Variants in NFAT5 observed in about 807,000 individuals in gnomAD.
The protein encoded by NFAT5 is nuclear factor of activated T-cells 5.
A neutral mutation model predicts 166.5 loss-of-function variants in NFAT5; 31 were observed. That is an observed-to-expected ratio of 0.19 (90% CI 0.14 to 0.25). The LOEUF (loss-of-function observed/expected upper bound fraction) is 0.25. Among genes scored for constraint, NFAT5 ranks in the 10% least tolerant of loss-of-function variants. NFAT5 has a pLI of 1.00. For missense variants in NFAT5, 1,449 were observed against 1,821.8 expected (o/e 0.80, Z 3.72); for synonymous variants, 612 against 639.7 (o/e 0.96, Z 0.65).
At chr16:69,619,080 G>A (rs1012453294) in intron 2 of NFAT5, among the ~76,000 whole-genome samples, 6 of 152,100 alleles carry the variant, frequency 3.9e-5, no homozygotes, top group African/African-American at 1.2e-4. Context: ...TTTACTATTT[G>A]AAAGTAAATA....
chr16:69,608,572 C>T (rs542144545), intron 2 of NFAT5, among the ~76,000 whole-genome samples: 7 of 151,012 alleles, frequency 4.6e-5, no homozygotes, highest in East Asian at 4.0e-4. Context: ...CTGGCTAACA[C>T]GGTGAAATCC....
At chr16:69,632,492 C>T (rs1304499112) in intron 3 of NFAT5, 1 of 152,156 alleles carries the variant, frequency 6.6e-6, no homozygotes, top group Non-Finnish European at 1.5e-5. Context: ...CATACCTCTT[C>T]TCTACAAGTG....
chr16:69,571,712 G>T (rs1257341343), intron 2 of NFAT5, among the ~76,000 whole-genome samples: 3 of 150,926 alleles, frequency 2.0e-5, no homozygotes, highest in African/African-American at 7.3e-5. Flanking sequence ...TTTTTTTGGG[G>T]GGAAACAAGG....
chr16:69,628,775 T>C (rs2151584619), intron 3 of NFAT5, among the ~76,000 whole-genome samples: 1 of 152,248 alleles, frequency 6.6e-6, no homozygotes. Flanking sequence ...TTTTAAAAAA[T>C]CTTTAGCATT....
chr16:69,624,808 G>A (rs1597422325), intron 2 of NFAT5, among the ~76,000 whole-genome samples: 2 of 151,496 alleles, frequency 1.3e-5, no homozygotes, highest in Middle Eastern at 6.8e-3. Flanking sequence ...TTGGAATTTT[G>A]GATTTCTTGG....
intron 7 of NFAT5, 150 bp downstream of exon 7, chr16:69,660,049 T>C (rs771414763): frequency 7.7e-6 from 5 of 646,596 alleles, no homozygotes; most frequent in African/African-American, 1.8e-5. Context: ...AGTCAGATTT[T>C]CTAGACCAAA....
At chr16:69,665,003 G>A (rs997844568) in intron 7 of NFAT5, among the ~76,000 whole-genome samples, 3 of 151,992 alleles carry the variant, frequency 2.0e-5, no homozygotes, top group African/African-American at 7.3e-5. Context: ...CTCCAGCCTG[G>A]GCAACAAGAA....
At chr16:69,675,356 C>A (rs2036790800) in intron 9 of NFAT5, among the ~76,000 whole-genome samples, 1 of 152,182 alleles carries the variant, frequency 6.6e-6, no homozygotes, top group Non-Finnish European at 1.5e-5. Context: ...ATCTCCTTAA[C>A]TCTAGATAGA....
intron 7 of NFAT5, 78 bp from the exon 8 acceptor site, chr16:69,669,899 C>A: frequency 1.6e-6 from 2 of 1,275,112 alleles, no homozygotes; most frequent in East Asian, 2.5e-5. Flanking sequence ...CTCATAGAAC[C>A]GGATGATTGC....
At chr16:69,630,125 C>T (rs1371563329) in intron 3 of NFAT5, among the ~76,000 whole-genome samples, 3 of 151,890 alleles carry the variant, frequency 2.0e-5, no homozygotes, top group East Asian at 1.9e-4. Flanking sequence ...TTAGTAGAGA[C>T]GGGGTTTCAT....
At chr16:69,604,749 A>G (rs933669661) in intron 2 of NFAT5, among the ~76,000 whole-genome samples, 1 of 152,138 alleles carries the variant, frequency 6.6e-6, no homozygotes, top group Non-Finnish European at 1.5e-5. Flanking sequence ...CATGAGCCCA[A>G]CTTATGGCAT....
chr16:69,624,833 C>G (rs2034374614), intron 2 of NFAT5, among the ~76,000 whole-genome samples: 1 of 151,948 alleles, frequency 6.6e-6, no homozygotes, highest in Non-Finnish European at 1.5e-5. Context: ...CTAGGCAAGT[C>G]CCTTAAATTT....
At chr16:69,570,927 G>A (rs998718425) in intron 2 of NFAT5, among the ~76,000 whole-genome samples, 1 of 151,990 alleles carries the variant, frequency 6.6e-6, no homozygotes, top group African/African-American at 2.4e-5. Context: ...AGGCAAATTC[G>A]TGTAAAGCAT....
intron 2 of NFAT5, among the ~76,000 whole-genome samples, chr16:69,601,433 T>A (rs1390687166): frequency 6.6e-6 from 1 of 152,196 alleles, no homozygotes; most frequent in African/African-American, 2.4e-5. Flanking sequence ...AGTGGCGCAA[T>A]CACGGCTCAC....
chr16:69,694,319 G>C, intron 13 of NFAT5, 80 bp downstream of exon 13: 2 of 1,086,766 alleles, frequency 1.8e-6, no homozygotes, highest in African/African-American at 1.6e-5. Flanking sequence ...TGCGATCTCA[G>C]CTCACTGCAC....
rs1188158260 is a variant in NFAT5 at position 69,688,202 on chromosome 16, CA to C, written c.1775-2714del. 6.9e-3 allele frequency among the ~76,000 whole-genome samples: 340 copies of C among 49,486 alleles called. 2 individuals carry two copies. The highest frequency in any genetic ancestry group is 0.015 in the African/African-American group (240 of 15,756). The allele number at this position is 49,486 out of a possible 152,430, so 32.5% of individuals were successfully genotyped here. A position where few individuals can be genotyped will look rare whatever the true frequency, so the allele number is the denominator to read the frequency against. On this transcript the variant is annotated intron_variant, in intron 11 of 14. Coordinates refer to ENST00000349945, the MANE Select transcript of NFAT5 (RefSeq NM_138713.4). Reference sequence around the variant, plus strand: ...TGGGCGACAGAGCGAGACTCCGTCTCAAAAAAAAAAAAAAAAAAAAAAAACC... The same window carrying C: ...TGGGCGACAGAGCGAGACTCCGTCTCAAAAAAAAAAAAAAAAAAAAAAACC...
intron 10 of NFAT5, among the ~76,000 whole-genome samples, chr16:69,682,570 G>A (rs1390063597): frequency 6.6e-6 from 1 of 151,966 alleles, no homozygotes; most frequent in Non-Finnish European, 1.5e-5. Flanking sequence ...AGTAAGCCGT[G>A]ATCATGCCAA....
intron 10 of NFAT5, among the ~76,000 whole-genome samples, chr16:69,682,075 G>A (rs2037084972): frequency 6.6e-6 from 1 of 151,928 alleles, no homozygotes; most frequent in South Asian, 2.1e-4. Context: ...GGGCCATACT[G>A]CCCCAAATCA....
At chr16:69,639,146 A>T (rs2035097484) in intron 3 of NFAT5, among the ~76,000 whole-genome samples, 2 of 152,218 alleles carry the variant, frequency 1.3e-5, no homozygotes, top group Non-Finnish European at 2.9e-5. Flanking sequence ...GATGGAAAAC[A>T]TCTTTTTCTT....
Sources: allele counts gnomAD v4.1 joint callset (sites outside exome capture counted in the v4.1 genomes callset), GRCh38; gene constraint gnomAD v4.1.1; transcripts MANE v1.5; gene names NCBI Gene and HGNC (gene_info 2026-07-23, HGNC 2026-07-21).